Variants in SLC22A15 observed in about 807,000 individuals in gnomAD.
SLC22A15 encodes the protein flipt 1.
Under a neutral mutation model 62.7 loss-of-function variants are expected in SLC22A15, and 45 were observed. The observed-to-expected ratio is 0.72, with a 90% confidence interval of 0.56 to 0.92. The LOEUF (loss-of-function observed/expected upper bound fraction) is 0.92, where lower values mean the gene tolerates loss of function less well. SLC22A15 is among the 40% of genes least tolerant of loss of function. SLC22A15 has a pLI of 0.00. For missense variants in SLC22A15, 622 were observed against 665.6 expected, an observed-to-expected ratio of 0.93 and a Z score of 0.72; for synonymous variants, 264 against 267.0, an observed-to-expected ratio of 0.99 and a Z score of 0.11.
rs180897941 is a variant in SLC22A15, at chr1:115,996,539, G to A, written c.300+4296G>A. Among the ~76,000 whole-genome samples, 300 of 149,156 alleles carry A rather than the reference G, an allele frequency of 2.0e-3. 1 individual carries two copies. The highest frequency in any genetic ancestry group is 3.6e-3 in the Non-Finnish European group (242 of 67,332). On this transcript the variant is annotated intron_variant, in intron 2 of 11. Transcript: ENST00000369503. ...CCTGAACATGTTTTTAGATTCATTAGGTTTTAGATTCATTCATTAGATTCA... is the reference window on the plus strand; with the variant it reads ...CCTGAACATGTTTTTAGATTCATTAAGTTTTAGATTCATTCATTAGATTCA...
At chr1:116,021,605 C>T (rs546348924) in intron 4 of SLC22A15, among the ~76,000 whole-genome samples, 7 of 152,214 alleles carry the variant, frequency 4.6e-5, no homozygotes, top group South Asian at 4.1e-4. Context: ...ACAGGTTGAC[C>T]GTGTGACTGA....
chr1:116,031,685 G>A (rs6666101), intron 6 of SLC22A15, 104 bp downstream of exon 6: 1,186,038 of 1,521,298 alleles, frequency 0.78, 476,044 homozygotes, highest in Non-Finnish European at 0.82. Flanking sequence ...TACCTCTTTT[G>A]TTAGCTTGAG....
At chr1:116,020,311 G>T (rs1162137078) in intron 3 of SLC22A15, among the ~76,000 whole-genome samples, 2 of 150,792 alleles carry the variant, frequency 1.3e-5, no homozygotes, top group African/African-American at 4.9e-5. Flanking sequence ...CCAGCACTTT[G>T]GGAGGCCGAG....
chr1:116,066,818 G>T (rs1327468248), intron 11 of SLC22A15, 110 bp downstream of exon 11: 1 of 1,144,664 alleles, frequency 8.7e-7, no homozygotes, highest in Non-Finnish European at 1.2e-6. Context: ...GAAAACAAAA[G>T]TGGGATCTAA....
chr1:115,977,674 G>GGAGCTT (rs1374746010), intron 1 of SLC22A15, among the ~76,000 whole-genome samples: 15 of 152,198 alleles, frequency 9.9e-5, no homozygotes, highest in African/African-American at 3.6e-4. Context: ...ACTGCCCTCA[G>GGAGCTT]GAGCTTGCAT....
chr1:116,019,787 G>A (rs1656726438), intron 3 of SLC22A15, 73 bp downstream of exon 3: 3 of 1,464,706 alleles, frequency 2.0e-6, no homozygotes, highest in South Asian at 1.3e-5. Context: ...AATAATAAGG[G>A]GACTATTTCC....
intron 1 of SLC22A15, among the ~76,000 whole-genome samples, chr1:115,987,332 A>G (rs1452993402): frequency 1.3e-5 from 2 of 151,828 alleles, no homozygotes; most frequent in Non-Finnish European, 2.9e-5. Context: ...CGCCCAGCTA[A>G]TTTTTGTATT....
At chr1:116,055,857 A>C (rs1034687506) in intron 8 of SLC22A15, among the ~76,000 whole-genome samples, 10 of 147,438 alleles carry the variant, frequency 6.8e-5, no homozygotes, top group African/African-American at 1.5e-4. Context: ...ATTCAACAAC[A>C]CTTCATGCTA....
In SLC22A15 at chr1:116,015,701, C is replaced by A. The variant is rs190037825; in HGVS notation, c.301-3881C>A. Among the ~76,000 whole-genome samples the A allele has an allele frequency of 2.6e-5, 4 of 152,200 alleles. No homozygotes were observed. In the East Asian group the frequency reaches 7.7e-4, roughly 29 times the overall value. ...AACTTGAGGTGCAGGTTAATGAAGA[C>A]TAAAGTTGCAGGCCAGATTTTGAAA... On this transcript the variant is annotated intron_variant, in intron 2 of 11. Transcript: ENST00000369503.
intron 8 of SLC22A15, among the ~76,000 whole-genome samples, chr1:116,057,955 C>T (rs1264097807): frequency 1.3e-5 from 2 of 151,578 alleles, no homozygotes; most frequent in Non-Finnish European, 2.9e-5. Context: ...ATACCTAATG[C>T]TAAATGACGA....
At chr1:116,005,098 A>G (rs2101164412) in intron 2 of SLC22A15, among the ~76,000 whole-genome samples, 1 of 152,028 alleles carries the variant, frequency 6.6e-6, no homozygotes, top group East Asian at 1.9e-4. Context: ...AGATTTGTCA[A>G]TATTACTGAT....
In SLC22A15 at chr1:116,035,228, C is replaced by A. The variant is rs201564754; in HGVS notation, c.986C>A (p.Ala329Glu). 1 of 1,613,176 alleles carries A rather than the reference C, an allele frequency of 6.2e-7. No homozygotes were observed. The highest frequency in any genetic ancestry group is 1.7e-5 in the Admixed American group (1 of 59,916). The stretch of plus-strand genomic sequence containing the variant: ...GTGTATTATGGCCTAACTCTGAGTG[C>A]GGGTGATCTAGGTGGAAGTATTTAT... ...SLVYYGLTLS[A>E]GDLGGSIYAN... Residue 329 changes from alanine (A) to glutamate (E), a missense_variant, in exon 7 of 12, where the codon GCG becomes GAG. Ala to Glu is a moderately radical substitution (Grantham distance 107). Transcript: ENST00000369503.
At chr1:116,022,262 TC>T (rs951802548) in intron 4 of SLC22A15, among the ~76,000 whole-genome samples, 2 of 152,174 alleles carry the variant, frequency 1.3e-5, no homozygotes, top group African/African-American at 4.8e-5. Context: ...TGAAAAAGCT[TC>T]CTCTGAGTCT....
At chr1:116,064,032 A>T (rs1557911061) in intron 9 of SLC22A15, among the ~76,000 whole-genome samples, 1 of 152,208 alleles carries the variant, frequency 6.6e-6, no homozygotes, top group Non-Finnish European at 1.5e-5. Flanking sequence ...GATCTAAGGC[A>T]TGAAAATCCA....
At chr1:116,026,100 T>C (rs1315242187) in intron 4 of SLC22A15, among the ~76,000 whole-genome samples, 1 of 151,882 alleles carries the variant, frequency 6.6e-6, no homozygotes, top group African/African-American at 2.4e-5. Context: ...GTAGGGAGAA[T>C]TGGGAGAGTG....
intron 2 of SLC22A15, among the ~76,000 whole-genome samples, chr1:116,008,695 A>G (rs1412040417): frequency 6.6e-6 from 1 of 152,202 alleles, no homozygotes; most frequent in Non-Finnish European, 1.5e-5. Flanking sequence ...AGTGAATTCT[A>G]GGGGAGAAGG....
intron 2 of SLC22A15, among the ~76,000 whole-genome samples, chr1:115,998,155 T>G (rs1655516122): frequency 6.6e-6 from 1 of 152,214 alleles, no homozygotes. Flanking sequence ...ATGGATGACC[T>G]TTTAATGTAT....
At chr1:116,055,076 G>A (rs965905207) in intron 8 of SLC22A15, among the ~76,000 whole-genome samples, 2 of 150,538 alleles carry the variant, frequency 1.3e-5, no homozygotes, top group African/African-American at 4.9e-5. Context: ...GAAGGAAATA[G>A]AGACACAAAA....
At position 116,015,053 on chromosome 1, in the gene SLC22A15, C is replaced by T. The variant is rs372448437; in HGVS notation, c.301-4529C>T. The T allele has an allele frequency of 1.5e-4, 23 of 152,158 alleles. 2 individuals are homozygous for T. The East Asian group carries it at 1.5e-3, about 10-fold the overall frequency. 9.4% of individuals were successfully genotyped at this position (152,158 alleles called of 1,614,324 possible). On this transcript the variant is annotated intron_variant, in intron 2 of 11. Coordinates refer to ENST00000369503, the MANE Select transcript of SLC22A15 (RefSeq NM_018420.3). Reference sequence around the variant, plus strand: ...TAGATCACATAGTAGGTATGTGATACGTATATCAACAATACTTGAAAAGTT... The same window carrying T: ...TAGATCACATAGTAGGTATGTGATATGTATATCAACAATACTTGAAAAGTT...
Sources: gnomAD v4.1 joint callset for allele counts (sites outside exome capture counted in the v4.1 genomes callset) on GRCh38, gnomAD v4.1.1 for gene constraint, MANE v1.5 for transcripts, NCBI Gene and HGNC (gene_info 2026-07-23, HGNC 2026-07-21) for gene names.